Variants in BBS9 observed in about 807,000 individuals in gnomAD.
BBS9 encodes the protein protein PTHB1.
In BBS9, 89 loss-of-function variants were observed where a neutral mutation model predicts 117.7. That is an observed-to-expected ratio of 0.76 (90% CI 0.64 to 0.90). The LOEUF (loss-of-function observed/expected upper bound fraction) is 0.90, where lower values mean the gene tolerates loss of function less well. Among genes scored for constraint, BBS9 ranks in the 40% least tolerant of loss-of-function variants. BBS9 has a pLI of 0.00. For missense variants in BBS9, 982 were observed against 1,042.2 expected (o/e 0.94, Z 0.80); for synonymous variants, 379 against 370.9 (o/e 1.02, Z -0.25).
chr7:33,348,473 A>G (rs893565501), intron 12 of BBS9, among the ~76,000 whole-genome samples: 2 of 152,188 alleles, frequency 1.3e-5, no homozygotes, highest in Admixed American at 6.5e-5. Flanking sequence ...TTATTCATTC[A>G]TCATGATGGG....
intron 13 of BBS9, 106 bp downstream of exon 13, chr7:33,349,276 G>A (rs914200595): frequency 1.2e-6 from 1 of 822,472 alleles, no homozygotes; most frequent in African/African-American, 1.7e-5. Flanking sequence ...GTGAGATTGG[G>A]ATCGTCCCAA....
chr7:33,563,099 A>G (rs1213497449), intron 21 of BBS9, among the ~76,000 whole-genome samples: 1 of 152,158 alleles, frequency 6.6e-6, no homozygotes, highest in East Asian at 1.9e-4. Flanking sequence ...ACAGATTGCA[A>G]TGGGTCTAGG....
At chr7:33,395,552 T>C (rs1399459200) in intron 19 of BBS9, among the ~76,000 whole-genome samples, 2 of 152,074 alleles carry the variant, frequency 1.3e-5, no homozygotes, top group East Asian at 3.9e-4. Context: ...TCAGATGACA[T>C]ATGTGTGATG....
At chr7:33,368,905 A>T (rs1008492789) in intron 17 of BBS9, among the ~76,000 whole-genome samples, 1 of 152,178 alleles carries the variant, frequency 6.6e-6, no homozygotes, top group Non-Finnish European at 1.5e-5. Flanking sequence ...ATACTATTGA[A>T]GACTCAATAA....
intron 19 of BBS9, among the ~76,000 whole-genome samples, chr7:33,439,313 A>G (rs1584831873): frequency 6.6e-6 from 1 of 152,100 alleles, no homozygotes; most frequent in African/African-American, 2.4e-5. Context: ...GTGAGCTCTT[A>G]CTACTTTTTG....
chr7:33,555,272 T>C (rs1338499653), intron 21 of BBS9, among the ~76,000 whole-genome samples: 1 of 152,190 alleles, frequency 6.6e-6, no homozygotes, highest in African/African-American at 2.4e-5. Flanking sequence ...TCTGGCTTAA[T>C]TGTGTTGTCT....
chr7:33,459,353 G>C (rs1162761506), intron 19 of BBS9, among the ~76,000 whole-genome samples: 1 of 151,986 alleles, frequency 6.6e-6, no homozygotes, highest in Non-Finnish European at 1.5e-5. Context: ...GATTGTAACA[G>C]CTGGGGAGAA....
chr7:33,337,431 A>G (rs1298601940), intron 10 of BBS9, among the ~76,000 whole-genome samples: 1 of 152,160 alleles, frequency 6.6e-6, no homozygotes, highest in Admixed American at 6.5e-5. Context: ...AACCAAAACA[A>G]CAGAGCCAAT....
chr7:33,334,577 A>T (rs1814889804), intron 9 of BBS9, among the ~76,000 whole-genome samples: 1 of 152,082 alleles, frequency 6.6e-6, no homozygotes, highest in Non-Finnish European at 1.5e-5. Flanking sequence ...TGGCCACTAG[A>T]TGGCTTCAGT....
chr7:33,245,395 TAACTCTGTAATACCAAGATGGATACTA>T (rs1174670292), intron 5 of BBS9, among the ~76,000 whole-genome samples: 7 of 152,204 alleles, frequency 4.6e-5, no homozygotes, highest in African/African-American at 1.7e-4. Context: ...GACTTAGTTC[TAACTCTGTAATACCAAGATGGATACTA>T]AACTCTGTAA....
chr7:33,152,784 G>T lies in BBS9; in HGVS notation c.196G>T (p.Glu66Ter), dbSNP rs773577974. ...AAAAACAGGAGATGGAGCTCAAGCC[G>T]AAGATTTGCTTCTAGAAGTGGATCT... ...PAKTGDGAQA[E>*]DLLLEVDLRD... The change falls in exon 3 of 23, where the codon GAA becomes TAA. Residue 66 changes from glutamate to a stop codon, truncating the protein, a stop_gained. Transcript: ENST00000242067. LOFTEE classifies it high-confidence loss of function. 9 of 1,613,530 alleles carry T rather than the reference G, an allele frequency of 5.6e-6. No homozygotes were observed. Among genetic ancestry groups the T allele is most frequent in the Non-Finnish European group, 8.5e-7 (1 of 1,179,900 alleles).
chr7:33,304,311 C>T (rs1467000983), intron 9 of BBS9, among the ~76,000 whole-genome samples: 1 of 144,698 alleles, frequency 6.9e-6, no homozygotes, highest in Non-Finnish European at 1.5e-5. Context: ...GCCCGGCCGC[C>T]CCGTCTGGGA....
intron 19 of BBS9, among the ~76,000 whole-genome samples, chr7:33,424,761 A>AT (rs960674686): frequency 2.7e-5 from 4 of 150,098 alleles, no homozygotes; most frequent in Non-Finnish European, 4.4e-5. Context: ...TAATTATAAG[A>AT]TTTTTTTTAA....
At chr7:33,225,699 CT>C (rs72137184) in intron 5 of BBS9, among the ~76,000 whole-genome samples, 116 of 131,246 alleles carry the variant, frequency 8.8e-4, no homozygotes, top group Middle Eastern at 4.1e-3. Context: ...GAGCTTGGTT[CT>C]TTTTTTTTTT....
chr7:33,565,781 G>GTA (rs70989957), intron 21 of BBS9, among the ~76,000 whole-genome samples: 830 of 65,110 alleles, frequency 0.013, 6 homozygotes, highest in Non-Finnish European at 0.019. Flanking sequence ...GCTATCAGTA[G>GTA]TATATATATA....
intron 7 of BBS9, among the ~76,000 whole-genome samples, 184 bp from the exon 8 acceptor site, chr7:33,272,826 TAG>T (rs1800042157): frequency 6.6e-6 from 1 of 152,066 alleles, no homozygotes; most frequent in African/African-American, 2.4e-5. Context: ...AAACTTTGAT[TAG>T]AGTCTTGTAA....
chr7:33,414,843 T>G (rs1351017345), intron 19 of BBS9, among the ~76,000 whole-genome samples: 1 of 35,900 alleles, frequency 2.8e-5, no homozygotes, highest in Non-Finnish European at 5.1e-5. Context: ...TATTTGTAAG[T>G]GTTCCTAATA....
chr7:33,134,793 G>A (rs555922895), intron 1 of BBS9, among the ~76,000 whole-genome samples: 142 of 152,090 alleles, frequency 9.3e-4, no homozygotes, highest in Non-Finnish European at 1.4e-3. Context: ...ATGCGGTCTC[G>A]CTTTGTTGCC....
At chr7:33,172,253 C>T (rs548057545) in intron 4 of BBS9, among the ~76,000 whole-genome samples, 3 of 152,030 alleles carry the variant, frequency 2.0e-5, no homozygotes, top group South Asian at 2.1e-4. Flanking sequence ...TGGTGGCGGG[C>T]GCCTGTAGTC....
Sources: allele counts gnomAD v4.1 joint callset (sites outside exome capture counted in the v4.1 genomes callset), GRCh38; gene constraint gnomAD v4.1.1; transcripts MANE v1.5; gene names NCBI Gene and HGNC (gene_info 2026-07-23, HGNC 2026-07-21).